Variants in ZEB1 observed in about 807,000 individuals in gnomAD.
ZEB1 encodes the protein zinc finger E-box binding homeobox 1, also known as zinc finger E-box-binding homeobox 1.
ZEB1 carries 21 observed loss-of-function variants against 84.9 expected under a neutral mutation model. The observed-to-expected ratio is 0.25, with a 90% CI of 0.18 to 0.36. The LOEUF (loss-of-function observed/expected upper bound fraction) is 0.36, where lower values mean the gene tolerates loss of function less well. Ranked by LOEUF, ZEB1 falls within the 10% of genes least tolerant of loss-of-function variation. ZEB1 has a pLI of 1.00. For synonymous variants in ZEB1, 420 were observed against 471.1 expected (o/e 0.89, Z 1.41); for missense variants, 1,104 against 1,330.2 (o/e 0.83, Z 2.65).
chr10:31,452,742 TGAGAGAGAGA>T (rs35403055), intron 1 of ZEB1, among the ~76,000 whole-genome samples: 152 of 90,776 alleles, frequency 1.7e-3, no homozygotes, highest in African/African-American at 3.6e-3. Flanking sequence ...TGTGTGTGTG[TGAGAGAGAGA>T]GAGAGAGAGA....
Position 31,437,621 on chromosome 10 carries a change from C to G in ZEB1, c.59-23416C>G, listed in dbSNP as rs148174091. 9.2e-5 allele frequency among the ~76,000 whole-genome samples: 14 copies of G among 152,246 alleles called. No individual in the cohort carries two copies. In the East Asian group the frequency reaches 2.5e-3, roughly 27 times the overall value. On this transcript the variant is annotated intron_variant, in intron 1 of 8. Coordinates refer to ENST00000424869, the MANE Select transcript of ZEB1 (RefSeq NM_001174096.2). ...TGTTGAAATTTGGCTCTCAGGAAAGCTCCCAGAAAGGAAGTCTCCTAGTTG... is the reference window on the plus strand; with the variant it reads ...TGTTGAAATTTGGCTCTCAGGAAAGGTCCCAGAAAGGAAGTCTCCTAGTTG...
rs780220921 is a variant in ZEB1 at position 31,529,263 on chromosome 10, A to T, written c.*1999A>T. ...TTTGGAAAACTGTGAAATGGGGTAC[A>T]TTGTCATCCTGCATTTGATTCATCT... On this transcript the variant is annotated 3_prime_UTR_variant, in exon 9 of 9. Coordinates refer to ENST00000424869, the MANE Select transcript of ZEB1 (RefSeq NM_001174096.2). 1.3e-5 allele frequency: 2 copies of T among 152,198 alleles called. No individual in the cohort carries two copies. The highest frequency in any genetic ancestry group is 2.9e-5 in the Non-Finnish European group (2 of 68,038). The allele number at this position is 152,198 out of a possible 1,614,324, so 9.4% of individuals were successfully genotyped here.
intron 1 of ZEB1, among the ~76,000 whole-genome samples, chr10:31,359,052 CAAAT>C (rs2042568935): frequency 1.3e-5 from 2 of 152,078 alleles, no homozygotes; most frequent in Non-Finnish European, 1.5e-5. Context: ...AGGTAACAAA[CAAAT>C]AAATGACTGT....
chr10:31,425,812 A>G (rs2056854285), intron 1 of ZEB1, among the ~76,000 whole-genome samples: 1 of 152,142 alleles, frequency 6.6e-6, no homozygotes, highest in Non-Finnish European at 1.5e-5. Flanking sequence ...ACTTAAGGGT[A>G]TATTTTTCTA....
chr10:31,357,384 GAGTACA>G (rs1203558585), intron 1 of ZEB1, among the ~76,000 whole-genome samples: 1 of 152,144 alleles, frequency 6.6e-6, no homozygotes, highest in Non-Finnish European at 1.5e-5. Flanking sequence ...GTTGTGAGCA[GAGTACA>G]GCAGGAACAA....
intron 3 of ZEB1, among the ~76,000 whole-genome samples, chr10:31,497,031 C>T (rs982538314): frequency 3.3e-5 from 5 of 152,024 alleles, no homozygotes; most frequent in African/African-American, 1.2e-4. Context: ...CCCCTAACTT[C>T]GTTCTGTGTA....
intron 3 of ZEB1, among the ~76,000 whole-genome samples, chr10:31,500,027 T>C (rs1565131659): frequency 6.6e-6 from 1 of 152,030 alleles, no homozygotes; most frequent in Non-Finnish European, 1.5e-5. Context: ...TAAAAACTCA[T>C]TATTCCAACA....
In ZEB1 at chr10:31,332,745, C is replaced by T. The variant is rs1346789654; in HGVS notation, c.58+13453C>T. ...CCAGCTGCTGAGGAAATACCTTTAT[C>T]ATGTTTCAACCTCTTAAGTTTAATA... On this transcript the variant is annotated intron_variant, in intron 1 of 8. Coordinates refer to ENST00000424869, the MANE Select transcript of ZEB1 (RefSeq NM_001174096.2). Among the ~76,000 whole-genome samples the T allele has an allele frequency of 2.6e-5, 4 of 152,218 alleles. No individual in the cohort carries two copies. In the East Asian group the frequency reaches 7.7e-4, roughly 29 times the overall value.
chr10:31,331,417 A>C (rs2036765932), intron 1 of ZEB1, among the ~76,000 whole-genome samples: 1 of 152,068 alleles, frequency 6.6e-6, no homozygotes, highest in South Asian at 2.1e-4. Context: ...TGAATCTGCC[A>C]TTATTTGGCC....
At chr10:31,426,406 A>G (rs557598963) in intron 1 of ZEB1, among the ~76,000 whole-genome samples, 47 of 152,230 alleles carry the variant, frequency 3.1e-4, no homozygotes, top group African/African-American at 1.1e-3. Context: ...GTAGGTATTC[A>G]TTGACTCGTA....
chr10:31,428,427 T>C (rs1411356815), intron 1 of ZEB1, among the ~76,000 whole-genome samples: 1 of 152,212 alleles, frequency 6.6e-6, no homozygotes, highest in Non-Finnish European at 1.5e-5. Context: ...TCCAAGAGAC[T>C]GTTAAGATTT....
intron 1 of ZEB1, among the ~76,000 whole-genome samples, chr10:31,448,067 G>A (rs545270371): frequency 0.015 from 2,241 of 145,932 alleles, 34 homozygotes; most frequent in African/African-American, 0.054. Flanking sequence ...ATGTAGATTT[G>A]GTCTTTTCAC....
intron 1 of ZEB1, among the ~76,000 whole-genome samples, chr10:31,397,501 A>G (rs954770141): frequency 2.0e-5 from 3 of 152,074 alleles, no homozygotes; most frequent in Non-Finnish European, 2.9e-5. Flanking sequence ...TTGGACAGGC[A>G]TATGTCTGCT....
intron 1 of ZEB1, among the ~76,000 whole-genome samples, chr10:31,405,629 T>C (rs907947950): frequency 3.9e-5 from 6 of 152,262 alleles, no homozygotes; most frequent in African/African-American, 1.4e-4. Flanking sequence ...TACACAGTCC[T>C]GTCAGTTTAC....
intron 2 of ZEB1, among the ~76,000 whole-genome samples, chr10:31,469,683 C>T (rs1013245887): frequency 2.0e-5 from 3 of 152,204 alleles, no homozygotes; most frequent in African/African-American, 7.2e-5. Flanking sequence ...CAAAGCAGCC[C>T]AGAAGCTGGA....
intron 6 of ZEB1, among the ~76,000 whole-genome samples, chr10:31,519,780 C>A (rs1282267759): frequency 6.6e-6 from 1 of 151,876 alleles, no homozygotes; most frequent in Non-Finnish European, 1.5e-5. Flanking sequence ...TTATATAGGT[C>A]GGTGAAATGG....
chr10:31,388,687 T>C (rs1367550953), intron 1 of ZEB1, among the ~76,000 whole-genome samples: 1 of 152,248 alleles, frequency 6.6e-6, no homozygotes, highest in Non-Finnish European at 1.5e-5. Context: ...AAAAGAAATA[T>C]AGATTATTGG....
At position 31,514,639 on chromosome 10, in the gene ZEB1, A is replaced by G. The variant is rs1406648850; in HGVS notation, c.724A>G (p.Lys242Glu). The change falls in exon 6 of 9, where the codon AAA becomes GAA. Residue 242 changes from lysine (K) to glutamate (E), a missense_variant. Coordinates refer to ENST00000424869, the MANE Select transcript of ZEB1 (RefSeq NM_001174096.2). ...VTQSGCNRKF[K>E]CTECGKAFKY... The stretch of plus-strand genomic sequence containing the variant: ...GCAGTCTGGGTGTAATCGTAAATTC[A>G]AATGCACTGAGTGTGGAAAAGCTTT... The G allele has an allele frequency of 1.2e-6, 2 of 1,612,858 alleles. No individual in the cohort carries two copies. Among genetic ancestry groups the G allele is most frequent in the Non-Finnish European group, 1.7e-6 (2 of 1,179,094 alleles).
chr10:31,440,101 G>A (rs978406824), intron 1 of ZEB1, among the ~76,000 whole-genome samples: 2 of 152,106 alleles, frequency 1.3e-5, no homozygotes, highest in Non-Finnish European at 2.9e-5. Flanking sequence ...TATTTTTATA[G>A]GTATTTCCTT....
Sources: gnomAD v4.1 joint callset for allele counts (sites outside exome capture counted in the v4.1 genomes callset) on GRCh38, gnomAD v4.1.1 for gene constraint, MANE v1.5 for transcripts, NCBI Gene and HGNC (gene_info 2026-07-23, HGNC 2026-07-21) for gene names.